TFRC: variants seen among roughly 807,000 people sequenced by gnomAD.
TFRC encodes transferrin receptor.
TFRC carries 35 observed loss-of-function variants against 85.8 expected under a neutral mutation model. The ratio of observed to expected loss-of-function variants is 0.41; its 90% confidence interval spans 0.31 to 0.54. TFRC has a LOEUF of 0.54. TFRC is among the 20% of genes least tolerant of loss of function. The pLI is 0.31. For synonymous variants in TFRC, 362 were observed against 328.6 expected (o/e 1.10, Z -1.10); for missense variants, 828 against 921.5 (o/e 0.90, Z 1.31).
chr3:196,063,984 T>C (rs1157582755), intron 11 of TFRC, among the ~76,000 whole-genome samples: 2 of 151,902 alleles, frequency 1.3e-5, no homozygotes, highest in Admixed American at 6.6e-5. Context: ...AGTACATGAG[T>C]AGAGAGGTAT....
intron 1 of TFRC, among the ~76,000 whole-genome samples, chr3:196,081,107 A>AC (rs1170934350): frequency 1.3e-5 from 2 of 152,156 alleles, no homozygotes; most frequent in African/African-American, 4.8e-5. Flanking sequence ...CCTTAAAAGA[A>AC]CTGTCCAGCA....
At position 196,055,277 on chromosome 3, in the gene TFRC, T is replaced by C; in HGVS notation, c.1702A>G (p.Thr568Ala). The C allele has an allele frequency of 6.2e-7, 1 of 1,614,204 alleles. No homozygotes were observed. The highest frequency in any genetic ancestry group is 8.5e-7 in the Non-Finnish European group (1 of 1,180,004). Reference protein sequence around the residue: ...CEDTDYPYLGTTMDTYKELIE... With the variant: ...CEDTDYPYLGATMDTYKELIE... Reference sequence around the variant, plus strand: ...AGTTCCTTATAGGTGTCCATGGTGGTACCCAAATAAGGATAATCTGTGTCC... The same window carrying C: ...AGTTCCTTATAGGTGTCCATGGTGGCACCCAAATAAGGATAATCTGTGTCC... Residue 568 changes from threonine (T) to alanine (A), a missense_variant, in exon 17 of 19, where the codon ACC becomes GCC. Physicochemically the swap from Thr to Ala is moderately conservative, Grantham distance 58. Coordinates refer to ENST00000360110, the MANE Select transcript of TFRC (RefSeq NM_001128148.3).
chr3:196,068,077 C>A lies in TFRC; in HGVS notation c.855G>T (p.Gln285His). The A allele has an allele frequency of 6.2e-7, 1 of 1,613,512 alleles. No individual in the cohort carries two copies. The highest frequency in any genetic ancestry group is 8.5e-7 in the Non-Finnish European group (1 of 1,179,844). Residue 285 changes from glutamine (Q) to histidine (H), a missense_variant, in exon 8 of 19, where the codon CAG becomes CAT. Gln to His is a conservative substitution (Grantham distance 24). Transcript: ENST00000360110. ...CTGCGTTAACAATGGGAAATTTAGT[C>A]TGGTCCATGTATATCAACACACCAA... is the stretch of plus-strand genomic sequence containing the variant. ...NAIGVLIYMD[Q>H]TKFPIVNAEL...
At chr3:196,069,330 T>G in intron 7 of TFRC, 125 bp downstream of exon 7, 2 of 634,068 alleles carry the variant, frequency 3.2e-6, no homozygotes, top group Non-Finnish European at 5.5e-6. Context: ...TAAATTATAT[T>G]ATCTGGTATG....
intron 13 of TFRC, among the ~76,000 whole-genome samples, chr3:196,061,272 T>C (rs1038532051): frequency 3.9e-5 from 6 of 152,222 alleles, no homozygotes; most frequent in East Asian, 1.9e-4. Context: ...AGGATGTGAA[T>C]TACTCTCTAA....
At chr3:196,076,759 A>G (rs954526019) in intron 2 of TFRC, among the ~76,000 whole-genome samples, 1 of 152,008 alleles carries the variant, frequency 6.6e-6, no homozygotes, top group African/African-American at 2.4e-5. Context: ...GCGCCCCGCA[A>G]GCCTTTGCTT....
At chr3:196,081,393 T>G (rs571664367) in intron 1 of TFRC, among the ~76,000 whole-genome samples, 2 of 152,374 alleles carry the variant, frequency 1.3e-5, no homozygotes, top group Admixed American at 6.5e-5. Context: ...CCGTATCTAA[T>G]TAATGCCTGT....
At chr3:196,063,189 T>C (rs954955187) in intron 11 of TFRC, 1 of 388,302 alleles carries the variant, frequency 2.6e-6, no homozygotes, top group African/African-American at 2.1e-5. Context: ...GATCTGCAAA[T>C]AAGATTTTGA....
In TFRC at chr3:196,062,741, G is replaced by C. The variant is rs773607872; in HGVS notation, c.1405-96C>G. Reference sequence around the variant, plus strand: ...CATTTTCAATTCTGGACTCTACTGAGACTAAACGCAAAGGCAAAAGTGGTA... The same window carrying C: ...CATTTTCAATTCTGGACTCTACTGACACTAAACGCAAAGGCAAAAGTGGTA... On this transcript the variant is annotated intron_variant, in intron 12 of 18. Transcript: ENST00000360110. The C allele has an allele frequency of 5.4e-5, 84 of 1,543,114 alleles. No homozygotes were observed. In the Middle Eastern group the frequency reaches 8.5e-4, roughly 16 times the overall value.
At chr3:196,054,454 C>T (rs7645812) in intron 17 of TFRC, among the ~76,000 whole-genome samples, 10,787 of 152,066 alleles carry the variant, frequency 0.071, 544 homozygotes, top group East Asian at 0.17. Context: ...TAAAAAGATT[C>T]GGTTGTCAGT....
At chr3:196,056,399 T>TG (rs1716798133) in intron 16 of TFRC, among the ~76,000 whole-genome samples, 1 of 152,016 alleles carries the variant, frequency 6.6e-6, no homozygotes, top group Admixed American at 6.5e-5. Flanking sequence ...AATTCAGCCT[T>TG]GGTTTTTTTT....
intron 1 of TFRC, among the ~76,000 whole-genome samples, chr3:196,078,019 A>C (rs1718855926): frequency 6.6e-6 from 1 of 152,224 alleles, no homozygotes; most frequent in African/African-American, 2.4e-5. Context: ...ATCTAAGCGA[A>C]GTTAAATGGG....
rs4927866 is a variant in TFRC, at chr3:196,069,178, G to T, written c.801+277C>A. Reference sequence around the variant, plus strand: ...CCACTCTAGTTCCTTGTGTATGTTTGGCTATTAATTTTCCTTTTTATAAAA... The same window carrying T: ...CCACTCTAGTTCCTTGTGTATGTTTTGCTATTAATTTTCCTTTTTATAAAA... On this transcript the variant is annotated intron_variant, in intron 7 of 18. Transcript: ENST00000360110. Among the ~76,000 whole-genome samples the T allele has an allele frequency of 0.19, 28,450 of 151,918 alleles. 3,131 individuals are homozygous for T. Among genetic ancestry groups the T allele is most frequent in the Non-Finnish European group, 0.25 (16,778 of 67,930 alleles).
At chr3:196,071,666 G>A (rs189550959) in intron 5 of TFRC, among the ~76,000 whole-genome samples, 168 bp from the exon 6 acceptor site, 5 of 152,378 alleles carry the variant, frequency 3.3e-5, no homozygotes, top group Non-Finnish European at 7.3e-5. Context: ...GCTCACGCCT[G>A]TAATCCCAGC....
At position 196,058,274 on chromosome 3, in the gene TFRC, A is replaced by C; in HGVS notation, c.1677+10T>G. 6 of 1,611,238 alleles carry C rather than the reference A, an allele frequency of 3.7e-6. No homozygotes were observed. The highest frequency in any genetic ancestry group is 5.1e-6 in the Non-Finnish European group (6 of 1,178,140). On this transcript the variant is annotated intron_variant, in intron 16 of 18. Transcript: ENST00000360110. The stretch of plus-strand genomic sequence containing the variant: ...CTCTCTCCATTTGTCATTTAAATGA[A>C]CAGACTTACCTCGCAAAAACAGAAA...
chr3:196,055,258 T>C lies in TFRC; in HGVS notation c.1721A>G (p.Lys574Arg). ...PYLGTTMDTY[K>R]ELIERIPELN... ...CTCAGGAATCCTCTCAATCAGTTCCTTATAGGTGTCCATGGTGGTACCCAA... is the reference window on the plus strand; with the variant it reads ...CTCAGGAATCCTCTCAATCAGTTCCCTATAGGTGTCCATGGTGGTACCCAA... Residue 574 changes from lysine to arginine, a missense_variant, in exon 17 of 19, where the codon AAG becomes AGG. Coordinates refer to ENST00000360110, the MANE Select transcript of TFRC (RefSeq NM_001128148.3). 6 of 1,614,254 alleles carry C rather than the reference T, an allele frequency of 3.7e-6. No individual in the cohort carries two copies. The highest frequency in any genetic ancestry group is 1.7e-5 in the Admixed American group (1 of 60,026).
chr3:196,065,305 G>C, intron 10 of TFRC, 138 bp downstream of exon 10: 1 of 520,548 alleles, frequency 1.9e-6, no homozygotes, highest in Non-Finnish European at 3.3e-6. Context: ...ATTAACTTTA[G>C]GACAGACAAG....
At chr3:196,064,262 T>G (rs758114991) in intron 11 of TFRC, 47 bp downstream of exon 11, 26 of 1,579,684 alleles carry the variant, frequency 1.6e-5, no homozygotes, top group Non-Finnish European at 2.2e-5. Flanking sequence ...CATCTAGAAC[T>G]GTATGCAGTG....
intron 18 of TFRC, among the ~76,000 whole-genome samples, chr3:196,052,709 G>A (rs1357016209): frequency 6.6e-6 from 1 of 151,998 alleles, no homozygotes; most frequent in South Asian, 2.1e-4. Context: ...CCAAAGTACT[G>A]GAATTACAGG....
Sources: gnomAD v4.1 joint callset for allele counts (sites outside exome capture counted in the v4.1 genomes callset) on GRCh38, gnomAD v4.1.1 for gene constraint, MANE v1.5 for transcripts, NCBI Gene and HGNC (gene_info 2026-07-23, HGNC 2026-07-21) for gene names.